EYS: variants seen among roughly 807,000 people sequenced by gnomAD.
EYS encodes EGF-like photoreceptor maintenance factor.
Under a neutral mutation model 282.1 loss-of-function variants are expected in EYS, and 250 were observed. The ratio of observed to expected loss-of-function variants is 0.89; its 90% CI spans 0.80 to 0.98. The LOEUF (loss-of-function observed/expected upper bound fraction) is 0.98. EYS is among the 50% of genes least tolerant of loss of function. The pLI, the probability that EYS is intolerant of heterozygous loss-of-function variation, is 0.00. For synonymous variants in EYS, 1,355 were observed against 1,282.9 expected (o/e 1.06, Z -1.20); for missense variants, 4,016 against 3,709.0 (o/e 1.08, Z -2.15).
At chr6:64,879,541 G>GT in intron 19 of EYS, among the ~76,000 whole-genome samples, 1 of 152,150 alleles carries the variant, frequency 6.6e-6, no homozygotes, top group East Asian at 1.9e-4. Flanking sequence ...AAGATATTTT[G>GT]TTTGTGAACA....
intron 26 of EYS, among the ~76,000 whole-genome samples, chr6:64,584,640 G>C (rs1358338976): frequency 6.6e-6 from 1 of 151,726 alleles, no homozygotes; most frequent in Non-Finnish European, 1.5e-5. Context: ...ACTCTGAGTT[G>C]CTCTTAATAA....
intron 19 of EYS, among the ~76,000 whole-genome samples, chr6:64,838,599 CCTCT>C (rs1007018403): frequency 3.6e-5 from 5 of 137,118 alleles, no homozygotes; most frequent in African/African-American, 1.1e-4. Context: ...AGTGAGTCTT[CCTCT>C]CTTTCTGTTT....
chr6:64,517,224 T>C (rs1375301629), intron 26 of EYS, among the ~76,000 whole-genome samples: 2 of 151,732 alleles, frequency 1.3e-5, no homozygotes, highest in African/African-American at 4.8e-5. Flanking sequence ...ACAAATTAGA[T>C]ACCCAAAATA....
chr6:64,022,790 C>G (rs901606456), intron 33 of EYS, among the ~76,000 whole-genome samples: 7 of 152,226 alleles, frequency 4.6e-5, no homozygotes, highest in African/African-American at 1.4e-4. Flanking sequence ...CTCCCCAAAA[C>G]TAGTGCCAAT....
At chr6:64,964,352 T>G (rs1770026871) in intron 14 of EYS, among the ~76,000 whole-genome samples, 1 of 152,178 alleles carries the variant, frequency 6.6e-6, no homozygotes, top group African/African-American at 2.4e-5. Context: ...ATATTCAGCA[T>G]TCCTTATTCC....
intron 33 of EYS, among the ~76,000 whole-genome samples, chr6:64,025,326 C>T (rs573446684): frequency 2.0e-4 from 31 of 152,180 alleles, no homozygotes; most frequent in African/African-American, 2.9e-4. Flanking sequence ...TGTGCAGCTC[C>T]GAGGTCCCAA....
intron 31 of EYS, among the ~76,000 whole-genome samples, chr6:64,085,679 T>C (rs1772134127): frequency 1.3e-5 from 2 of 152,242 alleles, no homozygotes; most frequent in South Asian, 2.1e-4. Context: ...TTATTTTTAA[T>C]ATCCTGTTTA....
intron 34 of EYS, among the ~76,000 whole-genome samples, chr6:63,990,554 TAC>T (rs1278257753): frequency 3.3e-5 from 5 of 151,694 alleles, no homozygotes; most frequent in African/African-American, 1.2e-4. Context: ...CAGGAAAGGG[TAC>T]CACATTGGGG....
At chr6:63,728,959 A>T (rs1768710243) in intron 41 of EYS, among the ~76,000 whole-genome samples, 1 of 152,148 alleles carries the variant, frequency 6.6e-6, no homozygotes, top group Non-Finnish European at 1.5e-5. Context: ...GTAATGAATG[A>T]GAGTTCCTAT....
chr6:64,967,710 T>G (rs916716419), intron 14 of EYS, among the ~76,000 whole-genome samples: 1 of 152,210 alleles, frequency 6.6e-6, no homozygotes, highest in Non-Finnish European at 1.5e-5. Context: ...AAATCTGTAC[T>G]ATAAAATTAA....
intron 15 of EYS, among the ~76,000 whole-genome samples, chr6:64,943,823 A>G (rs1420716617): frequency 6.6e-6 from 1 of 152,094 alleles, no homozygotes; most frequent in Admixed American, 6.6e-5. Context: ...TACGAATGTC[A>G]TTTTTCACAG....
At chr6:64,946,065 C>T (rs1769280862) in intron 14 of EYS, among the ~76,000 whole-genome samples, 151 bp from the exon 15 acceptor site, 2 of 151,782 alleles carry the variant, frequency 1.3e-5, no homozygotes, top group South Asian at 4.2e-4. Context: ...TGACTTTTAC[C>T]ACATTTTTAA....
chr6:64,974,975 G>A (rs904851898), intron 14 of EYS, among the ~76,000 whole-genome samples: 7 of 151,642 alleles, frequency 4.6e-5, no homozygotes, highest in Non-Finnish European at 8.9e-5. Flanking sequence ...AATGACAGCA[G>A]GCTCATGGTT....
intron 19 of EYS, among the ~76,000 whole-genome samples, chr6:64,872,349 A>G (rs1468623063): frequency 6.6e-6 from 1 of 152,088 alleles, no homozygotes; most frequent in Non-Finnish European, 1.5e-5. Flanking sequence ...GATCCAGACT[A>G]TATTCAACCT....
intron 35 of EYS, among the ~76,000 whole-genome samples, chr6:63,971,326 A>G (rs1766559863): frequency 6.6e-6 from 1 of 152,196 alleles, no homozygotes; most frequent in African/African-American, 2.4e-5. Flanking sequence ...GTAGCCTTCT[A>G]TATGCATGGT....
rs10455580 is a variant in EYS, at chr6:65,368,185, C to T, written c.1300-14568G>A. ...AAGAACAGCAGCATGGGGGTAACCGCCCCCATGATTCAATTACCTCCCACT... is the reference window on the plus strand; with the variant it reads ...AAGAACAGCAGCATGGGGGTAACCGTCCCCATGATTCAATTACCTCCCACT... On this transcript the variant is annotated intron_variant, in intron 8 of 42. Coordinates refer to ENST00000503581, the MANE Select transcript of EYS (RefSeq NM_001142800.2). Among the ~76,000 whole-genome samples, 63 of 151,452 alleles carry T rather than the reference C, an allele frequency of 4.2e-4. 4 individuals are homozygous for T. Among genetic ancestry groups the T allele is most frequent in the South Asian group, 4.2e-3 (20 of 4,810 alleles).
chr6:64,420,203 C>A (rs1016881173), intron 28 of EYS, among the ~76,000 whole-genome samples: 8 of 151,960 alleles, frequency 5.3e-5, no homozygotes, highest in Non-Finnish European at 1.5e-5. Flanking sequence ...CCCTCTGAAG[C>A]CACAGCCAGA....
At chr6:65,583,082 A>G (rs758844130) in intron 2 of EYS, among the ~76,000 whole-genome samples, 1 of 152,088 alleles carries the variant, frequency 6.6e-6, no homozygotes. Flanking sequence ...TTTAAGTTAC[A>G]TAAGTGACAA....
intron 31 of EYS, among the ~76,000 whole-genome samples, chr6:64,154,440 C>CA (rs397819570): frequency 0.09 from 5,203 of 58,102 alleles, 252 homozygotes; most frequent in Non-Finnish European, 0.13. Flanking sequence ...AACTCCGTCT[C>CA]AAAAAAAAAA....
Sources: allele counts gnomAD v4.1 joint callset (sites outside exome capture counted in the v4.1 genomes callset), GRCh38; gene constraint gnomAD v4.1.1; transcripts MANE v1.5; gene names NCBI Gene and HGNC (gene_info 2026-07-23, HGNC 2026-07-21).